Variants in ARAP1 observed in about 807,000 individuals in gnomAD.
ARAP1 encodes the protein arf-GAP with Rho-GAP domain, ANK repeat and PH domain-containing protein 1.
A neutral mutation model predicts 172.2 loss-of-function variants in ARAP1; 76 were observed. The ratio of observed to expected loss-of-function variants is 0.44; its 90% CI spans 0.37 to 0.53. The LOEUF (loss-of-function observed/expected upper bound fraction) is 0.53. ARAP1 is among the 20% of genes least tolerant of loss of function. The pLI is 0.00. For synonymous variants in ARAP1, 804 were observed against 803.3 expected (o/e 1.00, Z -0.01); for missense variants, 1,686 against 1,977.5 (o/e 0.85, Z 2.80).
rs976345726 is a variant in ARAP1 at position 72,695,853 on chromosome 11, G to A, written c.3285C>T (p.Phe1095=). 1 of 1,612,598 alleles carries A rather than the reference G, an allele frequency of 6.2e-7. No individual in the cohort carries two copies. The highest frequency in any genetic ancestry group is 8.5e-7 in the Non-Finnish European group (1 of 1,179,146). Residue 1095 remains phenylalanine, a synonymous_variant, in exon 24 of 35, where the codon TTC becomes TTT. Coordinates refer to ENST00000393609, the MANE Select transcript of ARAP1 (RefSeq NM_001040118.3). This position sits in a 1 kb window ranked among gnomAD's most constrained non-coding sequence, Gnocchi z 4.4. The part of the protein sequence containing the change: ...LISHLYCVQC[F]SDTNQMNVHN... The stretch of plus-strand genomic sequence containing the variant: ...GCACGTTCATCTGGTTCGTGTCTGA[G>A]AAGCACTGAACACTGGAGAGGGGAG...
At position 72,693,682 on chromosome 11, in the gene ARAP1, C is replaced by A; in HGVS notation, c.3808+10G>T. The A allele has an allele frequency of 6.3e-7, 1 of 1,595,972 alleles. No individual in the cohort carries two copies. On this transcript the variant is annotated intron_variant, in intron 28 of 34. Transcript: ENST00000393609. This position sits in a 1 kb window ranked among gnomAD's most constrained non-coding sequence, Gnocchi z 4.6. ...ACCCGGAGCCTGGCCACCCTGCAGG[C>A]ACCACCTACCCAGGTACAGCAGCAT...
Position 72,695,353 on chromosome 11 carries a change from T to C in ARAP1, c.3576+34A>G, listed in dbSNP as rs1216144759. 1.2e-6 allele frequency: 2 copies of C among 1,613,904 alleles called. No individual in the cohort carries two copies. Among genetic ancestry groups the C allele is most frequent in the Non-Finnish European group, 1.7e-6 (2 of 1,179,910 alleles). On this transcript the variant is annotated intron_variant, in intron 26 of 34. Transcript: ENST00000393609. The surrounding 1 kb of genome is among the most constrained non-coding windows in gnomAD (Gnocchi z 4.4). ...GCCTGTACCTGGCCCAGCCTGATTC[T>C]CTAGCCCCTTGGCTTCTAGGTCCCA... is the stretch of plus-strand genomic sequence containing the variant.
intron 3 of ARAP1, among the ~76,000 whole-genome samples, chr11:72,722,526 C>T (rs1034748461): frequency 6.6e-6 from 1 of 152,212 alleles, no homozygotes; most frequent in Non-Finnish European, 1.5e-5. Context: ...TCCACCACTC[C>T]ACCCGCATAA....
chr11:72,716,224 A>G (rs1857268842), intron 3 of ARAP1, among the ~76,000 whole-genome samples: 1 of 151,674 alleles, frequency 6.6e-6, no homozygotes, highest in African/African-American at 2.4e-5. Context: ...TCTAAATGAC[A>G]TTTTTCAAAG....
In ARAP1 at chr11:72,697,051, C is replaced by G. The variant is rs369570731; in HGVS notation, c.3098G>C (p.Arg1033Pro). The G allele has an allele frequency of 6.2e-7, 1 of 1,610,172 alleles. No individual in the cohort carries two copies. The highest frequency in any genetic ancestry group is 8.5e-7 in the Non-Finnish European group (1 of 1,179,936). ...HVDDVSSALK[R>P]FLRDLPDGLF... is the part of the protein sequence containing the mutation. ...CCCATCAGGCAGGTCGCGCAGGAAG[C>G]GCTTGAGCGCCGAGGAAACATCATC... The change falls in exon 22 of 35, where the codon CGC becomes CCC. Residue 1033 changes from arginine to proline, a missense_variant. Physicochemically the swap from Arg to Pro is moderately radical, Grantham distance 103. Coordinates refer to ENST00000393609, the MANE Select transcript of ARAP1 (RefSeq NM_001040118.3).
chr11:72,685,982 G>C (rs1855664358), intron 34 of ARAP1, 60 bp downstream of exon 34: 1 of 1,612,914 alleles, frequency 6.2e-7, no homozygotes, highest in Non-Finnish European at 8.5e-7. Context: ...CTGTGGAGTA[G>C]AAGGCAGGCA....
At chr11:72,734,978 G>A (rs114096163) in intron 1 of ARAP1, among the ~76,000 whole-genome samples, 3,824 of 151,996 alleles carry the variant, frequency 0.025, 149 homozygotes, top group African/African-American at 0.088. Flanking sequence ...ACTGGAGACT[G>A]TAGCTCTCAA....
rs750657269 is a variant in ARAP1 at position 72,712,245 on chromosome 11, C to T, written c.973G>A (p.Val325Ile). 8.6e-5 allele frequency: 138 copies of T among 1,607,494 alleles called. No homozygotes were observed. The highest frequency in any genetic ancestry group is 3.5e-4 in the Middle Eastern group (2 of 5,666). Residue 325 changes from valine (V) to isoleucine (I), a missense_variant, in exon 7 of 35, where the codon GTC becomes ATC. This residue lies in a region of ARAP1 where 688 missense variants were observed against 856.9 expected (regional missense o/e 0.80). Coordinates refer to ENST00000393609, the MANE Select transcript of ARAP1 (RefSeq NM_001040118.3). The part of the protein sequence containing the change: ...MDGPPGGSTP[V>I]TPVIKAGWLD... Reference sequence around the variant, plus strand: ...CAGCCAGCCTTGATGACTGGTGTGACGGGGGTGGAGCCCCCAGGCGGCCCG... The same window carrying T: ...CAGCCAGCCTTGATGACTGGTGTGATGGGGGTGGAGCCCCCAGGCGGCCCG...
rs1444794850 is a variant in ARAP1, at chr11:72,705,791, A to G, written c.1809+14T>C. The G allele has an allele frequency of 1.9e-6, 3 of 1,613,754 alleles. No homozygotes were observed. Among genetic ancestry groups the G allele is most frequent in the African/African-American group, 1.3e-5 (1 of 74,910 alleles). ...CAGACCCCAAGTATCGGTGGCAAGC[A>G]GGGGCATCCCCACCTCGATAAGTGT... On this transcript the variant is annotated intron_variant, in intron 13 of 34. Coordinates refer to ENST00000393609, the MANE Select transcript of ARAP1 (RefSeq NM_001040118.3).
At chr11:72,742,085 T>C (rs1234258120) in intron 1 of ARAP1, among the ~76,000 whole-genome samples, 1 of 151,842 alleles carries the variant, frequency 6.6e-6, no homozygotes, top group Non-Finnish European at 1.5e-5. Flanking sequence ...GGGACTAGGG[T>C]CAGAAGGGAA....
intron 3 of ARAP1, chr11:72,721,992 C>A: frequency 3.0e-6 from 3 of 986,080 alleles, no homozygotes; most frequent in Non-Finnish European, 3.6e-6. Flanking sequence ...TGGCCCCTGG[C>A]CCCTGGGTGG....
chr11:72,698,933 A>G lies in ARAP1; in HGVS notation c.2541+72T>C, dbSNP rs865931313. The G allele has an allele frequency of 2.2e-5, 32 of 1,480,594 alleles. No homozygotes were observed. In the Middle Eastern group the frequency reaches 2.9e-3, roughly 135 times the overall value. 91.7% of individuals were successfully genotyped at this position (1,480,594 alleles called of 1,614,324 possible). A position where few individuals can be genotyped will look rare whatever the true frequency, so the allele number is the denominator to read the frequency against. Reference sequence around the variant, plus strand: ...TCTCTAGACGGGGGAGCTGGGATACATGGGATTGGCCAGGAGGCCCCACCT... The same window carrying G: ...TCTCTAGACGGGGGAGCTGGGATACGTGGGATTGGCCAGGAGGCCCCACCT... On this transcript the variant is annotated intron_variant, in intron 18 of 34. Transcript: ENST00000393609.
intron 27 of ARAP1, among the ~76,000 whole-genome samples, chr11:72,694,715 C>G (rs926574350): frequency 6.6e-6 from 1 of 152,168 alleles, no homozygotes; most frequent in Admixed American, 6.5e-5. Flanking sequence ...CCACTGCCAT[C>G]AAGACCACCT....
chr11:72,712,058 C>T (rs1857037630), intron 7 of ARAP1, 138 bp downstream of exon 7: 1 of 1,239,004 alleles, frequency 8.1e-7, no homozygotes, highest in South Asian at 1.7e-5. Context: ...CACAGTGTGC[C>T]TGGAGGGAGA....
chr11:72,723,578 G>A (rs956990067), intron 3 of ARAP1, among the ~76,000 whole-genome samples: 5 of 152,188 alleles, frequency 3.3e-5, no homozygotes, highest in African/African-American at 1.2e-4. Flanking sequence ...GATGACGTAG[G>A]TTGGGTAGTA....
chr11:72,733,308 G>A (rs1348723988), intron 1 of ARAP1, among the ~76,000 whole-genome samples: 1 of 152,176 alleles, frequency 6.6e-6, no homozygotes, highest in East Asian at 1.9e-4. Flanking sequence ...CGACTAAAGA[G>A]GTCTCCCTGA....
rs371551738 is a variant in ARAP1 at position 72,701,775 on chromosome 11, G to T, written c.2176C>A (p.Arg726=). 4.3e-6 allele frequency: 7 copies of T among 1,613,454 alleles called. No homozygotes were observed. The South Asian group carries it at 7.7e-5, about 18-fold the overall frequency. Residue 726 remains arginine (R), a synonymous_variant, in exon 16 of 35, where the codon CGG becomes AGG. Transcript: ENST00000393609. ...LRNNRTTEVP[R]LDSMKPLEKH... is the part of the protein sequence containing the mutation. ...TCCAGGGGCTTCATCGAGTCCAGCC[G>T]AGGCACCTCTTTGTAGGCGGGGAAA...
chr11:72,693,627 G>A lies in ARAP1; in HGVS notation c.3808+65C>T. On this transcript the variant is annotated intron_variant, in intron 28 of 34. Coordinates refer to ENST00000393609, the MANE Select transcript of ARAP1 (RefSeq NM_001040118.3). This position sits in a 1 kb window ranked among gnomAD's most constrained non-coding sequence, Gnocchi z 4.6. ...GAGCTGTTCCTACCTGGCACCACCA[G>A]GTCCCACCCTGGCTCTGGAAGAGAG... The A allele has an allele frequency of 6.5e-7, 1 of 1,539,912 alleles. No individual in the cohort carries two copies. The highest frequency in any genetic ancestry group is 1.2e-5 in the South Asian group (1 of 82,604).
At chr11:72,709,807 G>C in intron 11 of ARAP1, 63 bp downstream of exon 11, 1 of 1,559,410 alleles carries the variant, frequency 6.4e-7, no homozygotes, top group Non-Finnish European at 8.8e-7. Context: ...TTCCCACGTC[G>C]CGCAAAAGGA....
Sources: allele counts gnomAD v4.1 joint callset (sites outside exome capture counted in the v4.1 genomes callset), GRCh38; gene constraint gnomAD v4.1.1; regional missense constraint gnomAD v4.1.1; non-coding constraint Gnocchi (gnomAD v3.1); transcripts MANE v1.5; gene names NCBI Gene and HGNC (gene_info 2026-07-23, HGNC 2026-07-21).